The following TMEM143 variants were observed in gnomAD, a reference collection of about 807,000 sequenced individuals.
TMEM143 encodes transmembrane protein 143.
Under a neutral mutation model 40.3 loss-of-function variants are expected in TMEM143, and 45 were observed. That is an observed-to-expected ratio of 1.12 (90% CI 0.88 to 1.43). TMEM143 has a LOEUF of 1.43. Ranked by LOEUF, TMEM143 falls within the 40% of genes most tolerant of loss-of-function variation. The probability of loss-of-function intolerance (pLI) is 0.00; values close to 1 mark genes in which losing one functional copy is unlikely to be tolerated. For synonymous variants in TMEM143, 299 were observed against 282.7 expected (o/e 1.06, Z -0.58); for missense variants, 620 against 613.4 (o/e 1.01, Z -0.11).
chr19:48,352,659 C>T (rs1191672346), intron 3 of TMEM143, among the ~76,000 whole-genome samples: 1 of 151,848 alleles, frequency 6.6e-6, no homozygotes, highest in Non-Finnish European at 1.5e-5. Flanking sequence ...CCTGTAGTCC[C>T]AGCTACTCAG....
Position 48,360,085 on chromosome 19 carries a change from A to G in TMEM143, c.356T>C (p.Leu119Pro), listed in dbSNP as rs1970003440. Residue 119 changes from leucine (L) to proline (P), a missense_variant, in exon 3 of 8, where the codon CTG becomes CCG. Coordinates refer to ENST00000293261, the MANE Select transcript of TMEM143 (RefSeq NM_018273.4). Reference protein sequence around the residue: ...FCTLFHYHQILARLQALYDPI... With the variant: ...FCTLFHYHQIPARLQALYDPI... The stretch of plus-strand genomic sequence containing the variant: ...CCCCGTCCTCACCTGCAGCCGGGCC[A>G]GGATTTGGTGGTAGTGGAACAGGGT... 2 of 1,613,790 alleles carry G rather than the reference A, an allele frequency of 1.2e-6. No individual in the cohort carries two copies. The highest frequency in any genetic ancestry group is 1.7e-6 in the Non-Finnish European group (2 of 1,179,892).
chr19:48,334,416 C>CTCTTTCTT lies in TMEM143; in HGVS notation c.976-227_976-220dup, dbSNP rs201875941. On this transcript the variant is annotated intron_variant, in intron 6 of 7. Coordinates refer to ENST00000293261, the MANE Select transcript of TMEM143 (RefSeq NM_018273.4). ...GTCTTTTCTTTTTCTTTCTTTTTCT[C>CTCTTTCTT]TCTTTCTTTCTTTCTTTCTTTCTTT... is the stretch of plus-strand genomic sequence containing the variant. 6.7e-3 allele frequency among the ~76,000 whole-genome samples: 730 copies of CTCTTTCTT among 108,166 alleles called. 6 individuals carry two copies. The highest frequency in any genetic ancestry group is 9.9e-3 in the Admixed American group (106 of 10,654). 71.0% of individuals were successfully genotyped at this position (108,166 alleles called of 152,430 possible).
chr19:48,340,490 C>T (rs1007335086), intron 6 of TMEM143, among the ~76,000 whole-genome samples: 15 of 151,946 alleles, frequency 9.9e-5, no homozygotes, highest in African/African-American at 3.6e-4. Context: ...ACTCCCAACT[C>T]CTGGGCTCAA....
At chr19:48,341,540 A>G (rs1383576006) in intron 6 of TMEM143, among the ~76,000 whole-genome samples, 1 of 152,130 alleles carries the variant, frequency 6.6e-6, no homozygotes, top group Non-Finnish European at 1.5e-5. Flanking sequence ...AGTAATGATA[A>G]TAATCATCAT....
At chr19:48,356,724 A>C (rs1398318262) in intron 3 of TMEM143, among the ~76,000 whole-genome samples, 1 of 150,754 alleles carries the variant, frequency 6.6e-6, no homozygotes, top group Non-Finnish European at 1.5e-5. Context: ...CAGCCTCCCG[A>C]GTAGCTGGGA....
Position 48,352,130 on chromosome 19 carries a change from C to G in TMEM143, c.370-6776G>C, listed in dbSNP as rs1157594398. Reference sequence around the variant, plus strand: ...AGCGCGGTGGTGGGCGCCTGTAGTCCCAGCTACTCGGGAGGCTGAGGCAGG... The same window carrying G: ...AGCGCGGTGGTGGGCGCCTGTAGTCGCAGCTACTCGGGAGGCTGAGGCAGG... On this transcript the variant is annotated intron_variant, in intron 3 of 7. Coordinates refer to ENST00000293261, the MANE Select transcript of TMEM143 (RefSeq NM_018273.4). Among the ~76,000 whole-genome samples, 3 of 148,902 alleles carry G rather than the reference C, an allele frequency of 2.0e-5. No homozygotes were observed. In the East Asian group the frequency reaches 6.2e-4, roughly 31 times the overall value.
At chr19:48,344,236 G>T (rs902955658) in intron 4 of TMEM143, among the ~76,000 whole-genome samples, 2 of 151,088 alleles carry the variant, frequency 1.3e-5, no homozygotes, top group African/African-American at 2.4e-5. Flanking sequence ...GCTTTTAGGG[G>T]CTTGGTTTTT....
intron 3 of TMEM143, among the ~76,000 whole-genome samples, chr19:48,347,869 TAA>T (rs1569031131): frequency 6.8e-6 from 1 of 146,288 alleles, no homozygotes; most frequent in Non-Finnish European, 1.5e-5. Context: ...TTTTTTTTTT[TAA>T]TTAGCCAGGC....
rs747884802 is a variant in TMEM143, at chr19:48,334,204, G to A, written c.976-7C>T. 20 of 1,588,338 alleles carry A rather than the reference G, an allele frequency of 1.3e-5. No individual in the cohort carries two copies. In the South Asian group the frequency reaches 2.0e-4, roughly 16 times the overall value. On this transcript the variant is annotated splice_region_variant and splice_polypyrimidine_tract_variant and intron_variant, in intron 6 of 7. Coordinates refer to ENST00000293261, the MANE Select transcript of TMEM143 (RefSeq NM_018273.4). ...TGCGCCGCTGCCCGAACATCTGCAG[G>A]CGGGACAGCGCCCCGTGGGCTCAGT...
chr19:48,342,981 G>T, intron 5 of TMEM143, 172 bp from the exon 6 acceptor site: 1 of 807,606 alleles, frequency 1.2e-6, no homozygotes, highest in Non-Finnish European at 1.9e-6. Context: ...CAGGGGATCG[G>T]TTCAATCGCG....
intron 3 of TMEM143, among the ~76,000 whole-genome samples, chr19:48,352,246 C>CAAAA (rs1231759805): frequency 2.4e-5 from 1 of 41,570 alleles, no homozygotes; most frequent in African/African-American, 1.0e-4. Flanking sequence ...GACTCTGTCT[C>CAAAA]AAAAAAAAAA....
At chr19:48,355,542 A>C (rs1969869877) in intron 3 of TMEM143, among the ~76,000 whole-genome samples, 1 of 152,166 alleles carries the variant, frequency 6.6e-6, no homozygotes, top group African/African-American at 2.4e-5. Flanking sequence ...TCCGCACTGC[A>C]GGAAGGAGTC....
At position 48,363,378 on chromosome 19, in the gene TMEM143, G is replaced by A. The variant is rs1970104207; in HGVS notation, c.177C>T (p.Asn59=). Residue 59 remains asparagine (N), a synonymous_variant, in exon 2 of 8, where the codon AAC becomes AAT. Coordinates refer to ENST00000293261, the MANE Select transcript of TMEM143 (RefSeq NM_018273.4). ...AKMGEYRKMW[N]PREPRDWAQQ... ...GGGCCCAGTCGCGGGGCTCCCTGGG[G>A]TTCCACATCTTGCGATACTCCCCCA... is the stretch of plus-strand genomic sequence containing the variant. The A allele has an allele frequency of 6.2e-7, 1 of 1,614,190 alleles. No individual in the cohort carries two copies. Among genetic ancestry groups the A allele is most frequent in the Non-Finnish European group, 8.5e-7 (1 of 1,180,032 alleles).
intron 1 of TMEM143, 92 bp downstream of exon 1, chr19:48,363,806 G>C (rs571737180): frequency 1.9e-6 from 3 of 1,591,392 alleles, no homozygotes; most frequent in Non-Finnish European, 2.6e-6. Flanking sequence ...CAGCGAGGTA[G>C]ATCTTAGGAG....
intron 3 of TMEM143, among the ~76,000 whole-genome samples, chr19:48,348,727 G>T (rs2147372650): frequency 6.6e-6 from 1 of 152,276 alleles, no homozygotes; most frequent in South Asian, 2.1e-4. Context: ...CCAGGAAGTG[G>T]TGTAACCAGA....
rs201812476 is a variant in TMEM143, at chr19:48,333,297, C to T, written c.1302G>A (p.Pro434=). 41 of 1,580,248 alleles carry T rather than the reference C, an allele frequency of 2.6e-5. No homozygotes were observed. The highest frequency in any genetic ancestry group is 4.1e-5 in the African/African-American group (3 of 74,026). ...CCACTGGGTCTAGTTTGGGGAAACC[C>T]GGGGGTGGGTACAATCCCATGCTGG... is the stretch of plus-strand genomic sequence containing the variant. ...LTPSMGLYPP[P]GFPKLDPVAP... The change falls in exon 8 of 8, where the codon CCG becomes CCA. Residue 434 remains proline (P), a synonymous_variant. Transcript: ENST00000293261. The surrounding 1 kb of genome is among the most constrained non-coding windows in gnomAD (Gnocchi z 4.1).
At position 48,342,665 on chromosome 19, in the gene TMEM143, C is replaced by T; in HGVS notation, c.840G>A (p.Leu280=). The change falls in exon 6 of 8, where the codon CTG becomes CTA. Residue 280 remains leucine, a synonymous_variant. Coordinates refer to ENST00000293261, the MANE Select transcript of TMEM143 (RefSeq NM_018273.4). ...CGGAGACTACCAGCATGAGGTTGAG[C>T]AGGGCGCGCTGCAGGGTGGGCGTGC... ...KVRTPTLQRA[L]LNLMLVVSGV... The T allele has an allele frequency of 6.2e-7, 1 of 1,614,138 alleles. No individual in the cohort carries two copies.
chr19:48,333,456 T>C lies in TMEM143; in HGVS notation c.1166-23A>G. On this transcript the variant is annotated intron_variant, in intron 7 of 7. Transcript: ENST00000293261. This position sits in a 1 kb window ranked among gnomAD's most constrained non-coding sequence, Gnocchi z 4.1. ...TCTCTGCAAGGGGAGAGGCAGGTGT[T>C]CTGAGGTCACACTGAGATCGGGGAA... 6.6e-7 allele frequency: 1 copy of C among 1,515,218 alleles called. No individual in the cohort carries two copies. The highest frequency in any genetic ancestry group is 2.3e-5 in the East Asian group (1 of 43,826). 93.9% of individuals were successfully genotyped at this position (1,515,218 alleles called of 1,614,324 possible).
At chr19:48,363,814 G>C in intron 1 of TMEM143, 84 bp downstream of exon 1, 1 of 1,597,446 alleles carries the variant, frequency 6.3e-7, no homozygotes, top group Admixed American at 1.7e-5. Context: ...TAGATCTTAG[G>C]AGAGCAGGAA....
Sources: allele counts gnomAD v4.1 joint callset (sites outside exome capture counted in the v4.1 genomes callset), GRCh38; gene constraint gnomAD v4.1.1; non-coding constraint Gnocchi (gnomAD v3.1); transcripts MANE v1.5; gene names NCBI Gene and HGNC (gene_info 2026-07-23, HGNC 2026-07-21).